Variants in ARRDC5 observed in about 807,000 individuals in gnomAD.
ARRDC5 encodes arrestin domain-containing protein 5.
In ARRDC5, 12 loss-of-function variants were observed where a neutral mutation model predicts 13.3. The observed-to-expected ratio is 0.90, with a 90% CI of 0.58 to 1.46. ARRDC5 has a LOEUF of 1.46. ARRDC5 is among the 40% of genes most tolerant of loss of function. The probability of loss-of-function intolerance (pLI) is 0.00; values close to 1 mark genes in which losing one functional copy is unlikely to be tolerated. For missense variants in ARRDC5, 406 were observed against 418.7 expected, an observed-to-expected ratio of 0.97 and a Z score of 0.26; for synonymous variants, 181 against 173.4, an observed-to-expected ratio of 1.04 and a Z score of -0.34.
chr19:4,912,958 T>G, the ARRDC5 span, among the ~76,000 whole-genome samples: 2 of 151,992 alleles, frequency 1.3e-5, no homozygotes, highest in African/African-American at 4.8e-5. Flanking sequence ...TGGGGTCTTA[T>G]TATATTGCCC....
In ARRDC5 at chr19:4,890,908, C is replaced by G. The variant is rs1411252009; in HGVS notation, c.*138G>C. The G allele has an allele frequency of 4.4e-6, 3 of 678,498 alleles. No homozygotes were observed. Among genetic ancestry groups the G allele is most frequent in the Non-Finnish European group, 7.5e-6 (3 of 401,518 alleles). 42.0% of individuals were successfully genotyped at this position (678,498 alleles called of 1,614,324 possible). A position where few individuals can be genotyped will look rare whatever the true frequency, so the allele number is the denominator to read the frequency against. On this transcript the variant is annotated 3_prime_UTR_variant, in exon 3 of 3. Coordinates refer to ENST00000650722, the MANE Select transcript of ARRDC5 (RefSeq NM_001080523.3). ...TTCTAGGGAGGGGAGACACAGATAC[C>G]TAAACCGCTAGAGCTTGGGGAGGTT...
the ARRDC5 span, among the ~76,000 whole-genome samples, chr19:4,916,577 G>A: frequency 2.0e-5 from 3 of 152,282 alleles, no homozygotes; most frequent in South Asian, 2.1e-4. Context: ...GAAGGGCAGA[G>A]TTCCGCTGTC....
chr19:4,895,871 C>T (rs578152941), intron 2 of ARRDC5, among the ~76,000 whole-genome samples: 4 of 152,344 alleles, frequency 2.6e-5, no homozygotes, highest in South Asian at 2.1e-4. Flanking sequence ...TGCTGAGCAG[C>T]GCCCCTGGCC....
intron 2 of ARRDC5, among the ~76,000 whole-genome samples, chr19:4,894,681 CAA>C (rs375739622): frequency 1.3e-4 from 8 of 60,146 alleles, no homozygotes; most frequent in Admixed American, 2.0e-4. Flanking sequence ...GAGACTGTCT[CAA>C]AAAAAAAAAA....
At chr19:4,911,027 A>AG in the ARRDC5 span, 1 of 1,598,628 alleles carries the variant, frequency 6.3e-7, no homozygotes. Flanking sequence ...GCTGTTCTAC[A>AG]GGGGCAAACA....
chr19:4,899,980 A>AT (rs552194530), intron 1 of ARRDC5, among the ~76,000 whole-genome samples: 277 of 137,484 alleles, frequency 2.0e-3, no homozygotes, highest in Non-Finnish European at 2.8e-3. Context: ...AACTAGCAAC[A>AT]TTTTTTTTTT....
At chr19:4,906,386 G>A (rs1202010949), upstream of ARRDC5, among the ~76,000 whole-genome samples, 2 of 152,178 alleles carry the variant, frequency 1.3e-5, no homozygotes, top group Non-Finnish European at 2.9e-5. Flanking sequence ...GGGAGGGCTA[G>A]ATACCTCCTC....
upstream of ARRDC5, among the ~76,000 whole-genome samples, chr19:4,907,866 C>A (rs1420083794): frequency 1.3e-5 from 2 of 152,104 alleles, no homozygotes; most frequent in South Asian, 2.1e-4. Context: ...ACATGTGCCA[C>A]CACGCCAGGC....
At chr19:4,906,868 T>C (rs1303441802), upstream of ARRDC5, among the ~76,000 whole-genome samples, 1 of 152,240 alleles carries the variant, frequency 6.6e-6, no homozygotes, top group Non-Finnish European at 1.5e-5. Flanking sequence ...GCTAGGTTCC[T>C]GCAGCAGGTG....
upstream of ARRDC5, among the ~76,000 whole-genome samples, chr19:4,907,173 G>A (rs1024186072): frequency 2.0e-5 from 3 of 152,150 alleles, no homozygotes; most frequent in African/African-American, 4.8e-5. Flanking sequence ...ACACTGGCTC[G>A]ATCTTGGCTC....
At chr19:4,909,843 G>C in the ARRDC5 span, 1 of 396,910 alleles carries the variant, frequency 2.5e-6, no homozygotes, top group African/African-American at 2.1e-5. Flanking sequence ...CTGGAGCCGG[G>C]ACCAGCGCTG....
the ARRDC5 span, among the ~76,000 whole-genome samples, chr19:4,908,491 C>T: frequency 2.0e-5 from 3 of 152,132 alleles, no homozygotes; most frequent in African/African-American, 7.2e-5. Flanking sequence ...CAGTGGGCCC[C>T]AACCACACCA....
upstream of ARRDC5, among the ~76,000 whole-genome samples, chr19:4,907,868 A>G (rs1250172883): frequency 6.6e-6 from 1 of 151,788 alleles, no homozygotes; most frequent in East Asian, 1.9e-4. Flanking sequence ...ATGTGCCACC[A>G]CGCCAGGCTA....
chr19:4,899,955 A>G (rs1211868229), intron 1 of ARRDC5, among the ~76,000 whole-genome samples: 1 of 149,900 alleles, frequency 6.7e-6, no homozygotes, highest in African/African-American at 2.4e-5. Context: ...GTAAATAAAT[A>G]AAAGAAAAGA....
At chr19:4,907,467 C>T (rs898574458), upstream of ARRDC5, among the ~76,000 whole-genome samples, 4 of 151,994 alleles carry the variant, frequency 2.6e-5, no homozygotes, top group Admixed American at 2.6e-4. Context: ...TGGGGTTTCA[C>T]CATGTTGACC....
chr19:4,901,697 T>A (rs1264093758), intron 1 of ARRDC5, among the ~76,000 whole-genome samples: 5 of 152,138 alleles, frequency 3.3e-5, no homozygotes, highest in Admixed American at 3.3e-4. Context: ...TTCAGCCAAG[T>A]GTTGGCCACG....
intron 2 of ARRDC5, among the ~76,000 whole-genome samples, chr19:4,892,235 A>T (rs542459055): frequency 4.7e-4 from 72 of 151,600 alleles, no homozygotes; most frequent in African/African-American, 1.6e-3. Flanking sequence ...TTACAGGCGC[A>T]CGCCACCACA....
At chr19:4,916,537 G>T in the ARRDC5 span, among the ~76,000 whole-genome samples, 4 of 152,116 alleles carry the variant, frequency 2.6e-5, no homozygotes, top group Non-Finnish European at 5.9e-5. Flanking sequence ...CCGCTCTAGG[G>T]TCTGTCCTCA....
chr19:4,911,590 T>A, the ARRDC5 span, among the ~76,000 whole-genome samples: 1 of 152,216 alleles, frequency 6.6e-6, no homozygotes, highest in Non-Finnish European at 1.5e-5. Flanking sequence ...CGGCTGCTGC[T>A]GACCTGGGGC....
Sources: gnomAD v4.1 joint callset for allele counts (sites outside exome capture counted in the v4.1 genomes callset) on GRCh38, gnomAD v4.1.1 for gene constraint, MANE v1.5 for transcripts, NCBI Gene and HGNC (gene_info 2026-07-23, HGNC 2026-07-21) for gene names.